Variants in PDE4DIP observed in about 807,000 individuals in gnomAD.
PDE4DIP encodes the protein myomegalin.
In PDE4DIP, 59 loss-of-function variants were observed where a neutral mutation model predicts 221.4. The observed-to-expected ratio is 0.27, with a 90% CI of 0.22 to 0.33. The LOEUF is 0.33. PDE4DIP is among the 10% of genes least tolerant of loss of function. The pLI, the probability that PDE4DIP is intolerant of heterozygous loss-of-function variation, is 1.00. For missense variants in PDE4DIP, 1,036 were observed against 2,154.2 expected (o/e 0.48, Z 10.28); for synonymous variants, 404 against 815.9 (o/e 0.50, Z 8.60).
In PDE4DIP at chr1:148,984,265, C is replaced by G. The variant is rs150664623; in HGVS notation, c.2815+2868C>G. On this transcript the variant is annotated intron_variant, in intron 21 of 43. Transcript: ENST00000369354. ...ATCTGTCACCCAACCTTCTCCACAC[C>G]CTCTTCTCTTCATTCAGTTGTGGAC... The G allele has an allele frequency of 2.8e-3, 430 of 152,132 alleles. 1 individual carries two copies. The highest frequency in any genetic ancestry group is 0.01 in the African/African-American group (424 of 41,548). 9.4% of individuals were successfully genotyped at this position (152,132 alleles called of 1,614,324 possible).
intron 1 of PDE4DIP, 45 bp from the exon 1 acceptor site, chr1:148,844,383 C>G (rs1312556122): frequency 3.9e-5 from 13 of 333,168 alleles, no homozygotes; most frequent in African/African-American, 2.7e-4. Flanking sequence ...CCCGCCTCCG[C>G]TCGCGGTTGA....
chr1:148,828,669 AC>A (rs1372925565), intron 1 of PDE4DIP, among the ~76,000 whole-genome samples: 4 of 151,102 alleles, frequency 2.6e-5, no homozygotes, highest in Non-Finnish European at 4.4e-5. Flanking sequence ...CACTATTCCA[AC>A]CCCCTTTCCA....
exon 44 of PDE4DIP, chr1:149,032,453 G>T: frequency 5.0e-6 from 2 of 396,572 alleles, no homozygotes; most frequent in Non-Finnish European, 9.4e-6. Context: ...CTGAGCAGCG[G>T]TGCCCTGCCG....
intron 1 of PDE4DIP, among the ~76,000 whole-genome samples, chr1:148,925,931 T>C (rs141653412): frequency 7.7e-4 from 116 of 151,392 alleles, no homozygotes; most frequent in African/African-American, 2.0e-3. Flanking sequence ...ATAGTGCCTC[T>C]CACTTTCCCT....
At chr1:149,000,630 GC>G (rs2065429220) in intron 23 of PDE4DIP, among the ~76,000 whole-genome samples, 1 of 151,866 alleles carries the variant, frequency 6.6e-6, no homozygotes, top group South Asian at 2.1e-4. Flanking sequence ...ATAGGCCTTA[GC>G]TCTACAGCTT....
At chr1:148,971,568 AT>A (rs1458024835) in intron 14 of PDE4DIP, among the ~76,000 whole-genome samples, 4 of 152,176 alleles carry the variant, frequency 2.6e-5, no homozygotes. Flanking sequence ...GTCACTACAC[AT>A]TTTATGCGTG....
intron 5 of PDE4DIP, among the ~76,000 whole-genome samples, chr1:148,949,199 TAA>T (rs1194798587): frequency 1.3e-5 from 2 of 151,788 alleles, no homozygotes; most frequent in East Asian, 1.9e-4. Context: ...AGTAAGTACT[TAA>T]AGTTATTTAA....
chr1:148,937,132 T>C (rs1232682145), intron 4 of PDE4DIP, among the ~76,000 whole-genome samples: 3 of 152,220 alleles, frequency 2.0e-5, no homozygotes, highest in Non-Finnish European at 2.9e-5. Flanking sequence ...TACATTGCAC[T>C]ATGATGTTAC....
chr1:148,915,138 G>GTTTTTTTT (rs1238231792), intron 1 of PDE4DIP, among the ~76,000 whole-genome samples: 3 of 104,584 alleles, frequency 2.9e-5, no homozygotes, highest in African/African-American at 8.6e-5. Flanking sequence ...TGGTTTTTTT[G>GTTTTTTTT]TTTGTTTGTT....
intron 5 of PDE4DIP, among the ~76,000 whole-genome samples, chr1:148,940,348 A>T (rs1231760441): frequency 6.6e-6 from 1 of 152,060 alleles, no homozygotes; most frequent in Non-Finnish European, 1.5e-5. Flanking sequence ...TATAAACTGT[A>T]CTAAATTGAT....
chr1:149,032,102 C>G lies in PDE4DIP; in HGVS notation c.*117C>G, dbSNP rs587627274. ...ACCTATCTGCTGAGGAGCATCTGGG[C>G]CTCATTCCTCCAAGTCCACGGGAGG... On this transcript the variant is annotated 3_prime_UTR_variant, in exon 44 of 44. Transcript: ENST00000369354. 377 of 1,592,308 alleles carry G rather than the reference C, an allele frequency of 2.4e-4. No individual in the cohort carries two copies. In the Middle Eastern group the frequency reaches 2.5e-3, roughly 11 times the overall value.
At chr1:148,980,550 A>G (rs1359506890) in intron 20 of PDE4DIP, among the ~76,000 whole-genome samples, 6 of 152,192 alleles carry the variant, frequency 3.9e-5, no homozygotes, top group Non-Finnish European at 8.8e-5. Flanking sequence ...TTGGTCACAT[A>G]TATGATACCT....
intron 21 of PDE4DIP, chr1:148,990,375 T>C: frequency 1.0e-6 from 1 of 984,308 alleles, no homozygotes; most frequent in Non-Finnish European, 1.2e-6. Context: ...CTCCGTCGAA[T>C]TCCTTACGGA....
chr1:149,030,648 G>A, intron 43 of PDE4DIP: 1 of 807,606 alleles, frequency 1.2e-6, no homozygotes, highest in Middle Eastern at 6.3e-4. Flanking sequence ...GGGATCTTGA[G>A]GCCAGTTATG....
intron 1 of PDE4DIP, among the ~76,000 whole-genome samples, chr1:148,927,898 T>A (rs587730763): frequency 6.7e-6 from 1 of 150,240 alleles, no homozygotes; most frequent in African/African-American, 2.4e-5. Flanking sequence ...CCCACTGACA[T>A]GCTGGAAATT....
At chr1:148,885,903 T>C (rs1572660363), upstream of PDE4DIP, among the ~76,000 whole-genome samples, 1 of 109,918 alleles carries the variant, frequency 9.1e-6, no homozygotes, top group South Asian at 3.1e-4. Flanking sequence ...TTAATATATA[T>C]ACTATAATGT....
intron 23 of PDE4DIP, among the ~76,000 whole-genome samples, chr1:148,999,843 T>C (rs1227201723): frequency 6.6e-6 from 1 of 152,118 alleles, no homozygotes; most frequent in Non-Finnish European, 1.5e-5. Context: ...GAATCACTTA[T>C]ACTGTAGAAG....
intron 17 of PDE4DIP, among the ~76,000 whole-genome samples, chr1:148,975,792 T>C (rs587632769): frequency 6.6e-6 from 1 of 152,304 alleles, no homozygotes; most frequent in East Asian, 1.9e-4. Context: ...CTCAATGTCA[T>C]GGCTTCCTAA....
intron 1 of PDE4DIP, among the ~76,000 whole-genome samples, chr1:148,820,733 A>G (rs1668932214): frequency 2.7e-5 from 4 of 146,394 alleles, no homozygotes; most frequent in Admixed American, 2.0e-4. Flanking sequence ...GGTGGCTAGA[A>G]TTGTCTTCTT....
Sources: gnomAD v4.1 joint callset for allele counts (sites outside exome capture counted in the v4.1 genomes callset) on GRCh38, gnomAD v4.1.1 for gene constraint, MANE v1.5 for transcripts, NCBI Gene and HGNC (gene_info 2026-07-23, HGNC 2026-07-21) for gene names.